MAD1L1: variants seen among roughly 807,000 people sequenced by gnomAD.
MAD1L1 encodes the protein mitotic arrest deficient 1 like 1, also known as mitotic spindle assembly checkpoint protein MAD1.
In MAD1L1, 95 loss-of-function variants were observed where a neutral mutation model predicts 96.9. That is an observed-to-expected ratio of 0.98 (90% confidence interval 0.83 to 1.16). The LOEUF (loss-of-function observed/expected upper bound fraction) is 1.16. MAD1L1 is among the 50% of genes most tolerant of loss of function. The pLI, the probability that MAD1L1 is intolerant of heterozygous loss-of-function variation, is 0.00. For missense variants in MAD1L1, 1,007 were observed against 954.4 expected (o/e 1.06, Z -0.73); for synonymous variants, 473 against 396.6 (o/e 1.19, Z -2.29).
intron 10 of MAD1L1, among the ~76,000 whole-genome samples, chr7:2,153,912 C>T (rs573060233): frequency 6.6e-6 from 1 of 152,286 alleles, no homozygotes; most frequent in East Asian, 1.9e-4. Context: ...AATCCCACCG[C>T]TTTGGGAGGC....
At chr7:2,020,737 G>A (rs994438998) in intron 12 of MAD1L1, among the ~76,000 whole-genome samples, 2 of 151,640 alleles carry the variant, frequency 1.3e-5, no homozygotes, top group Non-Finnish European at 2.9e-5. Flanking sequence ...CATCTGAGAC[G>A]ACAGCGGCCT....
At chr7:2,100,108 G>C (rs142173439) in intron 11 of MAD1L1, among the ~76,000 whole-genome samples, 1 of 152,342 alleles carries the variant, frequency 6.6e-6, no homozygotes, top group Non-Finnish European at 1.5e-5. Context: ...ACATAGGTGA[G>C]AAGCAAATCC....
At chr7:1,886,130 G>A (rs2128667478) in intron 18 of MAD1L1, among the ~76,000 whole-genome samples, 1 of 152,354 alleles carries the variant, frequency 6.6e-6, no homozygotes, top group East Asian at 1.9e-4. Context: ...CAGCAGCACT[G>A]TGAGGGCCAG....
intron 16 of MAD1L1, among the ~76,000 whole-genome samples, chr7:1,954,405 C>T (rs993529974): frequency 4.6e-5 from 7 of 152,130 alleles, no homozygotes; most frequent in South Asian, 2.1e-4. Context: ...TATGAGGTGG[C>T]GCATCAGAGG....
chr7:1,989,577 T>C (rs962253540), intron 14 of MAD1L1, among the ~76,000 whole-genome samples: 1 of 152,160 alleles, frequency 6.6e-6, no homozygotes, highest in Non-Finnish European at 1.5e-5. Flanking sequence ...CTGGAACAGG[T>C]GTGGGGACCC....
chr7:1,954,645 G>A (rs958092665), intron 16 of MAD1L1, among the ~76,000 whole-genome samples: 5 of 152,190 alleles, frequency 3.3e-5, no homozygotes, highest in South Asian at 2.1e-4. Context: ...GGGTCCGCCC[G>A]ATTTCTGTCT....
At chr7:2,195,865 T>C (rs955711877) in intron 10 of MAD1L1, among the ~76,000 whole-genome samples, 4 of 152,260 alleles carry the variant, frequency 2.6e-5, no homozygotes, top group Admixed American at 2.0e-4. Flanking sequence ...AAAGTTCGGC[T>C]GGGAGCCATC....
chr7:2,175,603 A>G (rs1323416371), intron 10 of MAD1L1, among the ~76,000 whole-genome samples: 1 of 151,984 alleles, frequency 6.6e-6, no homozygotes, highest in Non-Finnish European at 1.5e-5. Context: ...TCCATCCCCC[A>G]AACTGGTCCT....
intron 10 of MAD1L1, among the ~76,000 whole-genome samples, chr7:2,194,531 C>A (rs999593461): frequency 2.0e-5 from 3 of 152,174 alleles, no homozygotes; most frequent in Non-Finnish European, 4.4e-5. Context: ...TCAGACAAGC[C>A]GTGAGGGCTA....
chr7:2,154,604 A>T (rs1017726803), intron 10 of MAD1L1, among the ~76,000 whole-genome samples: 2 of 152,208 alleles, frequency 1.3e-5, no homozygotes, highest in African/African-American at 4.8e-5. Context: ...TACTCCATAA[A>T]TATGTAAAAT....
chr7:2,037,685 G>C (rs1167718838), intron 12 of MAD1L1, among the ~76,000 whole-genome samples: 1 of 152,076 alleles, frequency 6.6e-6, no homozygotes, highest in Non-Finnish European at 1.5e-5. Context: ...TTGATTCTGG[G>C]ACGCCACACA....
chr7:2,127,758 G>A (rs1173809946), intron 11 of MAD1L1, among the ~76,000 whole-genome samples: 1 of 152,146 alleles, frequency 6.6e-6, no homozygotes, highest in Non-Finnish European at 1.5e-5. Context: ...TCCGGGAAAC[G>A]TGCAAGAGCA....
At chr7:2,154,223 G>T (rs570069333) in intron 10 of MAD1L1, among the ~76,000 whole-genome samples, 63 of 152,316 alleles carry the variant, frequency 4.1e-4, no homozygotes, top group African/African-American at 1.4e-3. Flanking sequence ...GACCGTGTCA[G>T]GTGAAACCAC....
At chr7:1,856,846 GCT>G (rs1436707014) in intron 18 of MAD1L1, among the ~76,000 whole-genome samples, 1 of 152,266 alleles carries the variant, frequency 6.6e-6, no homozygotes, top group South Asian at 2.1e-4. Flanking sequence ...CCTCTCCCAG[GCT>G]CTGTCACCCT....
intron 13 of MAD1L1, among the ~76,000 whole-genome samples, chr7:2,010,478 G>A (rs939385251): frequency 6.6e-6 from 1 of 152,208 alleles, no homozygotes; most frequent in African/African-American, 2.4e-5. Flanking sequence ...GTTGAATCAA[G>A]GTGGCGTGCA....
intron 12 of MAD1L1, among the ~76,000 whole-genome samples, chr7:2,064,654 C>T (rs536107933): frequency 6.6e-6 from 1 of 152,046 alleles, no homozygotes; most frequent in Admixed American, 6.5e-5. Context: ...ACAGAGGCTT[C>T]TCCTAGGAGG....
At chr7:1,868,153 G>C (rs1025809768) in intron 18 of MAD1L1, among the ~76,000 whole-genome samples, 9 of 152,154 alleles carry the variant, frequency 5.9e-5, no homozygotes, top group Non-Finnish European at 1.2e-4. Context: ...TGGCCCCCCA[G>C]ACACCAGCAC....
At chr7:1,988,293 G>A (rs1359331829) in intron 14 of MAD1L1, among the ~76,000 whole-genome samples, 1 of 152,200 alleles carries the variant, frequency 6.6e-6, no homozygotes, top group African/African-American at 2.4e-5. Flanking sequence ...CAACTCTGCC[G>A]CTGCATCAGG....
chr7:1,916,253 T>C (rs535518711), intron 17 of MAD1L1, among the ~76,000 whole-genome samples: 65 of 152,120 alleles, frequency 4.3e-4, no homozygotes, highest in African/African-American at 1.4e-3. Context: ...ATGTGGAAAT[T>C]CCCCTCCCGT....
Sources: gnomAD v4.1 joint callset for allele counts (sites outside exome capture counted in the v4.1 genomes callset) on GRCh38, gnomAD v4.1.1 for gene constraint, MANE v1.5 for transcripts, NCBI Gene and HGNC (gene_info 2026-07-23, HGNC 2026-07-21) for gene names.